GLMN: variants seen among roughly 807,000 people sequenced by gnomAD.
The protein encoded by GLMN is glomulin.
Under a neutral mutation model 87.8 loss-of-function variants are expected in GLMN, and 75 were observed. The observed-to-expected ratio is 0.85, with a 90% CI of 0.71 to 1.04. The LOEUF (loss-of-function observed/expected upper bound fraction) is 1.04. Ranked by LOEUF, GLMN falls within the 50% of genes least tolerant of loss-of-function variation. GLMN has a pLI of 0.00. For missense variants in GLMN, 588 were observed against 658.8 expected (o/e 0.89, Z 1.18); for synonymous variants, 206 against 221.6 (o/e 0.93, Z 0.63).
At chr1:92,355,352 G>T in the GLMN span, among the ~76,000 whole-genome samples, 1 of 152,102 alleles carries the variant, frequency 6.6e-6, no homozygotes, top group East Asian at 1.9e-4. Context: ...AGGGATTGGA[G>T]TAAATCCAGG....
the GLMN span, among the ~76,000 whole-genome samples, chr1:92,328,552 G>A: frequency 6.6e-6 from 1 of 152,056 alleles, no homozygotes; most frequent in Non-Finnish European, 1.5e-5. Context: ...TTCATATCCT[G>A]TATGATTTGT....
the GLMN span, among the ~76,000 whole-genome samples, chr1:92,352,935 A>G: frequency 6.6e-6 from 1 of 152,222 alleles, no homozygotes; most frequent in East Asian, 1.9e-4. Flanking sequence ...AACTTTTCAC[A>G]TAAATGGAAT....
the GLMN span, among the ~76,000 whole-genome samples, chr1:92,343,658 C>T: frequency 1.3e-5 from 2 of 152,058 alleles, no homozygotes; most frequent in Non-Finnish European, 2.9e-5. Context: ...CTACTGACGG[C>T]CAGCCACTTG....
chr1:92,260,747 C>G (rs1202808851), intron 16 of GLMN, among the ~76,000 whole-genome samples: 1 of 123,482 alleles, frequency 8.1e-6, no homozygotes, highest in East Asian at 2.4e-4. Flanking sequence ...TACAGTGAGA[C>G]ACTGTCTCTT....
chr1:92,341,562 ACT>A, the GLMN span, among the ~76,000 whole-genome samples: 1,226 of 152,350 alleles, frequency 8.0e-3, 8 homozygotes, highest in Non-Finnish European at 0.013. Flanking sequence ...TACAGCAGAC[ACT>A]CTAAATACAT....
upstream of GLMN, chr1:92,300,256 G>C (rs1650723262): frequency 6.3e-7 from 1 of 1,591,430 alleles, no homozygotes; most frequent in South Asian, 1.1e-5. Context: ...CAGCTACATG[G>C]ACAACTACAT....
Position 92,290,512 on chromosome 1 carries a change from C to T in GLMN, c.286-206G>A, listed in dbSNP as rs552764437. 1.0e-3 allele frequency among the ~76,000 whole-genome samples: 154 copies of T among 152,226 alleles called. 1 individual carries two copies. The highest frequency in any genetic ancestry group is 3.4e-3 in the African/African-American group (140 of 41,540). On this transcript the variant is annotated intron_variant, in intron 4 of 18. Coordinates refer to ENST00000370360, the MANE Select transcript of GLMN (RefSeq NM_053274.3). ...GTCAAGTAACTATAAAACTAAAAAG[C>T]AAGAAGTCAATGGATCTTTAGGCTC...
At chr1:92,252,407 A>G (rs187497020) in intron 16 of GLMN, among the ~76,000 whole-genome samples, 204 of 152,264 alleles carry the variant, frequency 1.3e-3, no homozygotes, top group African/African-American at 4.7e-3. Flanking sequence ...AGGAAAAAAA[A>G]ATTAATATAA....
chr1:92,369,658 A>G, the GLMN span, among the ~76,000 whole-genome samples: 5 of 152,166 alleles, frequency 3.3e-5, no homozygotes, highest in South Asian at 1.0e-3. Flanking sequence ...TAGAGGCTTG[A>G]GTCCCTTTCA....
chr1:92,247,793 A>T (rs1249694714), intron 17 of GLMN, 85 bp downstream of exon 17: 3 of 727,440 alleles, frequency 4.1e-6, no homozygotes, highest in African/African-American at 3.5e-5. Flanking sequence ...CAAGATTTTT[A>T]AAAAGTTCTT....
chr1:92,314,062 T>A, the GLMN span, among the ~76,000 whole-genome samples: 79 of 152,306 alleles, frequency 5.2e-4, no homozygotes, highest in East Asian at 0.014. Flanking sequence ...ACTAAAACTT[T>A]CTCTATACCA....
upstream of GLMN, chr1:92,299,126 G>A (rs1177143322): frequency 1.8e-5 from 28 of 1,521,024 alleles, no homozygotes; most frequent in Non-Finnish European, 2.5e-5. Context: ...GGGGCTCCCC[G>A]CTGCTCTCGA....
chr1:92,307,726 A>AT, the GLMN span, among the ~76,000 whole-genome samples: 90,377 of 150,202 alleles, frequency 0.6, 30,242 homozygotes, highest in East Asian at 0.96. Context: ...TTAAAAAGTA[A>AT]TTTTTTTTTT....
chr1:92,305,774 A>T, the GLMN span, among the ~76,000 whole-genome samples: 2 of 152,212 alleles, frequency 1.3e-5, no homozygotes, highest in Non-Finnish European at 1.5e-5. Flanking sequence ...AAATAAAAAC[A>T]CACTGAGTTT....
intron 3 of GLMN, among the ~76,000 whole-genome samples, chr1:92,292,888 G>A (rs1355835065): frequency 6.6e-6 from 1 of 151,750 alleles, no homozygotes; most frequent in African/African-American, 2.4e-5. Flanking sequence ...GCTGGGTCTG[G>A]TGGCACACGC....
At chr1:92,299,227 G>T, upstream of GLMN, 2 of 838,864 alleles carry the variant, frequency 2.4e-6, no homozygotes, top group East Asian at 3.3e-5. Flanking sequence ...GCGCGCGGGC[G>T]CTCCTGAAAG....
At chr1:92,305,049 C>G in the GLMN span, among the ~76,000 whole-genome samples, 2 of 151,786 alleles carry the variant, frequency 1.3e-5, no homozygotes, top group South Asian at 2.1e-4. Context: ...GCACATGCAT[C>G]GCATGAACCT....
At chr1:92,317,740 G>A in the GLMN span, among the ~76,000 whole-genome samples, 3 of 152,130 alleles carry the variant, frequency 2.0e-5, no homozygotes, top group Admixed American at 6.5e-5. Context: ...GGTAGGTGAT[G>A]CCTACCTTAT....
chr1:92,313,696 A>T, the GLMN span, among the ~76,000 whole-genome samples: 1 of 152,170 alleles, frequency 6.6e-6, no homozygotes, highest in Non-Finnish European at 1.5e-5. Context: ...TTGATGCCAC[A>T]TATTTACTTC....
Sources: gnomAD v4.1 joint callset for allele counts (sites outside exome capture counted in the v4.1 genomes callset) on GRCh38, gnomAD v4.1.1 for gene constraint, MANE v1.5 for transcripts, NCBI Gene and HGNC (gene_info 2026-07-23, HGNC 2026-07-21) for gene names.